Variants in DNAH11 observed in about 807,000 individuals in gnomAD.
DNAH11 encodes the protein dynein axonemal heavy chain 11.
In DNAH11, 442 loss-of-function variants were observed where a neutral mutation model predicts 526.0. The observed-to-expected ratio is 0.84, with a 90% CI of 0.78 to 0.91. The LOEUF (loss-of-function observed/expected upper bound fraction) is 0.91. Among genes scored for constraint, DNAH11 ranks in the 40% least tolerant of loss-of-function variants. The pLI is 0.00. For missense variants in DNAH11, 6,989 were observed against 5,448.7 expected (o/e 1.28, Z -8.90); for synonymous variants, 2,461 against 1,935.9 (o/e 1.27, Z -7.12).
chr7:21,862,834 T>A (rs1783116340), intron 69 of DNAH11, among the ~76,000 whole-genome samples: 1 of 151,968 alleles, frequency 6.6e-6, no homozygotes, highest in Non-Finnish European at 1.5e-5. Flanking sequence ...TCCCAGCACT[T>A]TGGGAGGATC....
intron 55 of DNAH11, among the ~76,000 whole-genome samples, chr7:21,769,658 T>C (rs1787338428): frequency 6.6e-6 from 1 of 152,056 alleles, no homozygotes; most frequent in Non-Finnish European, 1.5e-5. Context: ...CTAATTTTTG[T>C]ACTTTTAGTA....
At chr7:21,889,537 C>G (rs894460098) in intron 76 of DNAH11, among the ~76,000 whole-genome samples, 5 of 152,186 alleles carry the variant, frequency 3.3e-5, no homozygotes, top group African/African-American at 1.2e-4. Flanking sequence ...GTTCTGTTTT[C>G]TCCACATCCT....
intron 25 of DNAH11, among the ~76,000 whole-genome samples, chr7:21,632,366 AG>A (rs1786657531): frequency 6.6e-6 from 1 of 152,312 alleles, no homozygotes; most frequent in African/African-American, 2.4e-5. Context: ...TTCTGCAGTC[AG>A]GTTGAATTTC....
chr7:21,710,245 G>A (rs775027240), intron 40 of DNAH11, among the ~76,000 whole-genome samples: 1 of 152,158 alleles, frequency 6.6e-6, no homozygotes, highest in Non-Finnish European at 1.5e-5. Context: ...TGTAAGTTTT[G>A]AGTTTTAGGT....
chr7:21,741,996 T>C lies in DNAH11; in HGVS notation c.7984T>C (p.Phe2662Leu), dbSNP rs1219366955. The C allele has an allele frequency of 1.2e-6, 2 of 1,613,992 alleles. No individual in the cohort carries two copies. Among genetic ancestry groups the C allele is most frequent in the South Asian group, 2.2e-5 (2 of 91,076 alleles). ...DALNTIYGQI[F>L]SFHFQQQAFA... ...ACTAAACACCATCTATGGCCAAATC[T>C]TTAGCTTCCATTTCCAACAGCAAGC... The change falls in exon 49 of 82, where the codon TTT becomes CTT. Residue 2662 changes from phenylalanine (F) to leucine (L), a missense_variant. Phe to Leu is a conservative substitution (Grantham distance 22). Transcript: ENST00000409508.
intron 67 of DNAH11, among the ~76,000 whole-genome samples, chr7:21,853,340 T>C (rs534847689): frequency 3.9e-5 from 6 of 152,332 alleles, no homozygotes; most frequent in African/African-American, 1.4e-4. Flanking sequence ...AGAAGCTGTG[T>C]CACTACGCAT....
chr7:21,658,677 C>A, intron 29 of DNAH11, 121 bp from the exon 30 acceptor site: 2 of 715,394 alleles, frequency 2.8e-6, no homozygotes, highest in Non-Finnish European at 4.3e-6. Flanking sequence ...AGTTTTCTAC[C>A]TGGGTTTAAA....
chr7:21,683,967 C>T (rs1583591625), intron 32 of DNAH11, 23 bp downstream of exon 32: 2 of 1,608,726 alleles, frequency 1.2e-6, no homozygotes, highest in Non-Finnish European at 8.5e-7. Flanking sequence ...AGTTTCCGTC[C>T]AGATAGGAAA....
chr7:21,547,985 A>C (rs180770867), intron 2 of DNAH11, among the ~76,000 whole-genome samples: 1 of 152,364 alleles, frequency 6.6e-6, no homozygotes, highest in East Asian at 1.9e-4. Context: ...CCCCTTACAC[A>C]GGAGGAATAC....
intron 61 of DNAH11, among the ~76,000 whole-genome samples, chr7:21,793,883 C>T (rs1324380012): frequency 6.6e-6 from 1 of 152,152 alleles, no homozygotes; most frequent in African/African-American, 2.4e-5. Flanking sequence ...TTTTTAAACT[C>T]CCTCTTGAAC....
chr7:21,545,473 T>C lies in DNAH11; in HGVS notation c.495+324T>C, dbSNP rs6461577. On this transcript the variant is annotated intron_variant, in intron 2 of 81. Transcript: ENST00000409508. ...GCAAATAAAAAGCAACTTGAATAGG[T>C]TCTTGCACCTTAGCAGCAGGTTTTA... Among the ~76,000 whole-genome samples, 66,775 of 151,752 alleles carry C rather than the reference T, an allele frequency of 0.44. 15,030 individuals are homozygous for C. The highest frequency in any genetic ancestry group is 0.53 in the Middle Eastern group (153 of 290).
chr7:21,834,570 C>G lies in DNAH11; in HGVS notation c.10692-7974C>G, dbSNP rs146131719. Among the ~76,000 whole-genome samples the G allele has an allele frequency of 1.7e-3, 258 of 152,250 alleles. 1 individual carries two copies. The highest frequency in any genetic ancestry group is 5.8e-3 in the African/African-American group (240 of 41,548). ...GTTTTCTTGAAAAGTTAAACAAAATCAGCTATAATTCCAACACTTTGGGAG... is the reference window on the plus strand; with the variant it reads ...GTTTTCTTGAAAAGTTAAACAAAATGAGCTATAATTCCAACACTTTGGGAG... On this transcript the variant is annotated intron_variant, in intron 65 of 81. Coordinates refer to ENST00000409508, the MANE Select transcript of DNAH11 (RefSeq NM_001277115.2).
intron 73 of DNAH11, among the ~76,000 whole-genome samples, chr7:21,871,011 A>G (rs1318523823): frequency 6.6e-6 from 1 of 152,224 alleles, no homozygotes; most frequent in African/African-American, 2.4e-5. Context: ...AACTTGTTAT[A>G]CTGTTCATAA....
At chr7:21,737,708 T>C (rs1785678572) in intron 46 of DNAH11, among the ~76,000 whole-genome samples, 1 of 152,092 alleles carries the variant, frequency 6.6e-6, no homozygotes, top group Non-Finnish European at 1.5e-5. Context: ...AGAGAGAGAC[T>C]ACTGGAGGCT....
At chr7:21,771,023 A>G (rs1787414283) in intron 55 of DNAH11, among the ~76,000 whole-genome samples, 2 of 152,366 alleles carry the variant, frequency 1.3e-5, no homozygotes, top group South Asian at 4.1e-4. Flanking sequence ...AAAAGATCAA[A>G]TAGATTGTGT....
chr7:21,753,081 T>C (rs74893584), intron 54 of DNAH11, among the ~76,000 whole-genome samples: 1,796 of 152,296 alleles, frequency 0.012, 39 homozygotes, highest in African/African-American at 0.04. Flanking sequence ...CCTCTCACAA[T>C]AGCAAGTCCA....
At chr7:21,854,939 C>T (rs1334115300) in intron 68 of DNAH11, among the ~76,000 whole-genome samples, 6 of 151,732 alleles carry the variant, frequency 4.0e-5, no homozygotes, top group Admixed American at 3.3e-4. Flanking sequence ...CAGGAATTTT[C>T]ATTTATAATT....
chr7:21,559,943 C>T (rs1453254815), intron 4 of DNAH11, among the ~76,000 whole-genome samples, 151 bp downstream of exon 4: 1 of 152,162 alleles, frequency 6.6e-6, no homozygotes, highest in East Asian at 1.9e-4. Context: ...GTGTGGTGTG[C>T]ACTTTTGACA....
rs1477535269 is a variant in DNAH11, at chr7:21,894,699, C to T, written c.12827C>T (p.Ser4276Leu). Residue 4276 changes from serine (S) to leucine (L), a missense_variant, in exon 78 of 82, where the codon TCA becomes TTA. Transcript: ENST00000409508. The stretch of plus-strand genomic sequence containing the variant: ...ATGGCAGAGATAATGCAAAAAAATT[C>T]AAATAGAAGCCCATATGTTCTTGTT... ...FNMAEIMQKNSNRSPYVLVCF... is the reference protein window; with the variant it reads ...FNMAEIMQKNLNRSPYVLVCF... 5 of 1,613,672 alleles carry T rather than the reference C, an allele frequency of 3.1e-6. No homozygotes were observed. The highest frequency in any genetic ancestry group is 1.3e-5 in the African/African-American group (1 of 74,904).
Sources: gnomAD v4.1 joint callset for allele counts (sites outside exome capture counted in the v4.1 genomes callset) on GRCh38, gnomAD v4.1.1 for gene constraint, MANE v1.5 for transcripts, NCBI Gene and HGNC (gene_info 2026-07-23, HGNC 2026-07-21) for gene names.